PLS1: variants seen among roughly 807,000 people sequenced by gnomAD.
PLS1 encodes the protein plastin-1.
PLS1 carries 32 observed loss-of-function variants against 73.7 expected under a neutral mutation model. The ratio of observed to expected loss-of-function variants is 0.43; its 90% CI spans 0.33 to 0.58. The LOEUF (loss-of-function observed/expected upper bound fraction) is 0.58, where lower values mean the gene tolerates loss of function less well. Ranked by LOEUF, PLS1 falls within the 20% of genes least tolerant of loss-of-function variation. The pLI, the probability that PLS1 is intolerant of heterozygous loss-of-function variation, is 0.04. For missense variants in PLS1, 633 were observed against 740.5 expected, an observed-to-expected ratio of 0.85 and a Z score of 1.68; for synonymous variants, 217 against 261.3, an observed-to-expected ratio of 0.83 and a Z score of 1.63.
chr3:142,617,488 A>G (rs2108556014), intron 1 of PLS1, among the ~76,000 whole-genome samples: 1 of 152,280 alleles, frequency 6.6e-6, no homozygotes, highest in South Asian at 2.1e-4. Context: ...GGTCTCAGGT[A>G]GTTGGTGGGA....
chr3:142,624,856 A>T (rs1343598989), intron 1 of PLS1, among the ~76,000 whole-genome samples: 1 of 152,204 alleles, frequency 6.6e-6, no homozygotes, highest in Non-Finnish European at 1.5e-5. Context: ...TTCCTCTATT[A>T]TACCTGGAGT....
intron 1 of PLS1, among the ~76,000 whole-genome samples, chr3:142,650,361 G>T (rs1341652835): frequency 2.0e-5 from 3 of 151,804 alleles, no homozygotes; most frequent in Non-Finnish European, 2.9e-5. Flanking sequence ...TGGGACTACA[G>T]GTGCCTACCC....
intron 4 of PLS1, among the ~76,000 whole-genome samples, chr3:142,672,946 T>C (rs2037638927): frequency 6.6e-6 from 1 of 152,226 alleles, no homozygotes; most frequent in African/African-American, 2.4e-5. Context: ...CCGAAGGCTC[T>C]GCAACCATTA....
intron 1 of PLS1, among the ~76,000 whole-genome samples, chr3:142,600,907 TATA>T (rs2035909620): frequency 7.6e-4 from 23 of 30,274 alleles, no homozygotes; most frequent in Middle Eastern, 0.011. Flanking sequence ...TATATATATA[TATA>T]TATATATTTT....
At chr3:142,670,554 A>C (rs114387011) in intron 3 of PLS1, among the ~76,000 whole-genome samples, 52 of 152,364 alleles carry the variant, frequency 3.4e-4, no homozygotes, top group African/African-American at 1.2e-3. Flanking sequence ...TGGTGAGTCC[A>C]GTGAGAGAGT....
rs1171297517 is a variant in PLS1 at position 142,650,211 on chromosome 3, C to CTTTTT, written c.-36-13970_-36-13966dup. ...GCAGTGTTGGTTTTGGCTTCTTCTT[C>CTTTTT]TTTTTTTTTTTTTTTTTTTTTTTTT... On this transcript the variant is annotated intron_variant, in intron 1 of 15. Coordinates refer to ENST00000457734, the MANE Select transcript of PLS1 (RefSeq NM_001145319.2). Among the ~76,000 whole-genome samples the CTTTTT allele has an allele frequency of 4.7e-3, 333 of 70,918 alleles. 2 individuals are homozygous for CTTTTT. The highest frequency in any genetic ancestry group is 7.2e-3 in the African/African-American group (126 of 17,542). The allele number at this position is 70,918 out of a possible 152,430, so 46.5% of individuals were successfully genotyped here. A position where few individuals can be genotyped will look rare whatever the true frequency, so the allele number is the denominator to read the frequency against.
chr3:142,651,901 G>A (rs1399209996), intron 1 of PLS1, among the ~76,000 whole-genome samples: 1 of 152,214 alleles, frequency 6.6e-6, no homozygotes, highest in Non-Finnish European at 1.5e-5. Context: ...GAGTTCAGCA[G>A]TGGCTGCTCC....
chr3:142,647,657 C>G (rs2036986892), intron 1 of PLS1, among the ~76,000 whole-genome samples: 1 of 152,076 alleles, frequency 6.6e-6, no homozygotes, highest in African/African-American at 2.4e-5. Flanking sequence ...TGCACACCAC[C>G]ATACCCGGCT....
intron 1 of PLS1, among the ~76,000 whole-genome samples, chr3:142,663,739 A>C (rs2037421128): frequency 6.6e-6 from 1 of 152,164 alleles, no homozygotes; most frequent in Non-Finnish European, 1.5e-5. Flanking sequence ...GGATATTGTA[A>C]AGCTGAATGT....
At chr3:142,622,707 G>T (rs1464573544) in intron 1 of PLS1, among the ~76,000 whole-genome samples, 1 of 152,138 alleles carries the variant, frequency 6.6e-6, no homozygotes, top group Non-Finnish European at 1.5e-5. Flanking sequence ...CACTTAAATG[G>T]TAGTATTGGA....
In PLS1 at chr3:142,669,506, G is replaced by A. The variant is rs369117939; in HGVS notation, c.187G>A (p.Ala63Thr). ...GATTGTGGAGAAAATTCTATCAGTT[G>A]CTGACAGCAACAAAGATGGCAAAAT... ...REIVEKILSV[A>T]DSNKDGKISF... The change falls in exon 3 of 16, where the codon GCT becomes ACT. Residue 63 changes from alanine to threonine, a missense_variant. Ala to Thr is a moderately conservative substitution (Grantham distance 58). Coordinates refer to ENST00000457734, the MANE Select transcript of PLS1 (RefSeq NM_001145319.2). 36 of 1,613,498 alleles carry A rather than the reference G, an allele frequency of 2.2e-5. No individual in the cohort carries two copies. The African/African-American group carries it at 4.7e-4, about 21-fold the overall frequency.
intron 4 of PLS1, 68 bp from the exon 5 acceptor site, chr3:142,676,089 A>G (rs981019323): frequency 8.2e-7 from 1 of 1,216,166 alleles, no homozygotes. Flanking sequence ...TGCAATAGCT[A>G]TGTATGTTTT....
chr3:142,698,315 T>A (rs1404951387), intron 12 of PLS1: 1 of 329,398 alleles, frequency 3.0e-6, no homozygotes, highest in African/African-American at 2.2e-5. Flanking sequence ...CTTTGAGATG[T>A]CCTGTAAATG....
chr3:142,679,377 G>C (rs2037798620), intron 6 of PLS1, among the ~76,000 whole-genome samples: 1 of 149,728 alleles, frequency 6.7e-6, no homozygotes, highest in Non-Finnish European at 1.5e-5. Context: ...GTAATGCCTA[G>C]GTTTTCTTCT....
At chr3:142,622,369 T>A (rs968432279) in intron 1 of PLS1, among the ~76,000 whole-genome samples, 1 of 152,316 alleles carries the variant, frequency 6.6e-6, no homozygotes, top group East Asian at 1.9e-4. Flanking sequence ...CGTAGAACAC[T>A]TTTTTCCTCC....
At chr3:142,661,183 A>T (rs1192555212) in intron 1 of PLS1, among the ~76,000 whole-genome samples, 3 of 152,202 alleles carry the variant, frequency 2.0e-5, no homozygotes, top group Non-Finnish European at 4.4e-5. Context: ...ATCTCTTTGA[A>T]CACAAAATAA....
chr3:142,673,489 T>C (rs2037651620), intron 4 of PLS1: 1 of 152,244 alleles, frequency 6.6e-6, no homozygotes, highest in Non-Finnish European at 1.5e-5. Context: ...TGTGGACATA[T>C]ACTTTGAATT....
At chr3:142,689,532 A>G in intron 9 of PLS1, 86 bp from the exon 10 acceptor site, 1 of 608,446 alleles carries the variant, frequency 1.6e-6, no homozygotes, top group Non-Finnish European at 2.6e-6. Context: ...ATATTTGTGG[A>G]AAAGTAATTG....
chr3:142,680,068 C>G (rs1485746338), intron 6 of PLS1, among the ~76,000 whole-genome samples: 2 of 152,066 alleles, frequency 1.3e-5, no homozygotes, highest in Non-Finnish European at 2.9e-5. Flanking sequence ...TGATTTGGCT[C>G]TCTGTTTGTC....
Sources: allele counts gnomAD v4.1 joint callset (sites outside exome capture counted in the v4.1 genomes callset), GRCh38; gene constraint gnomAD v4.1.1; transcripts MANE v1.5; gene names NCBI Gene and HGNC (gene_info 2026-07-23, HGNC 2026-07-21).